IAH1: variants seen among roughly 807,000 people sequenced by gnomAD.
IAH1 encodes isoamyl acetate-hydrolyzing esterase 1 homolog.
A neutral mutation model predicts 26.7 loss-of-function variants in IAH1; 24 were observed. The observed-to-expected ratio is 0.90, with a 90% CI of 0.65 to 1.26. The LOEUF (loss-of-function observed/expected upper bound fraction) is 1.26, where lower values mean the gene tolerates loss of function less well. Among genes scored for constraint, IAH1 ranks in the 50% most tolerant of loss-of-function variants. IAH1 has a pLI of 0.00. For missense variants in IAH1, 300 were observed against 299.9 expected (o/e 1.00, Z 0.00); for synonymous variants, 140 against 118.5 (o/e 1.18, Z -1.18).
chr2:9,493,757 G>A (rs2124963286), downstream of IAH1: 1 of 1,613,622 alleles, frequency 6.2e-7, no homozygotes, highest in Non-Finnish European at 8.5e-7. Context: ...CAAAAGTATT[G>A]ATGCTCAGCT....
At chr2:9,494,585 A>G (rs1662417963), downstream of IAH1, 18 of 1,600,266 alleles carry the variant, frequency 1.1e-5, no homozygotes. Context: ...TACTTACAAA[A>G]TAAAAACTTC....
the IAH1 span, chr2:9,505,190 G>A: frequency 1.7e-5 from 28 of 1,614,032 alleles, no homozygotes; most frequent in East Asian, 1.3e-4. Context: ...TTCCTTCAAC[G>A]TGCAGTCGCT....
the IAH1 span, among the ~76,000 whole-genome samples, chr2:9,507,887 A>G: frequency 3.3e-5 from 5 of 151,862 alleles, no homozygotes; most frequent in Non-Finnish European, 4.4e-5. Flanking sequence ...TAATTTTTGT[A>G]TTTTCTGTAG....
chr2:9,476,343 C>T (rs1380284409), intron 2 of IAH1, among the ~76,000 whole-genome samples: 2 of 152,266 alleles, frequency 1.3e-5, no homozygotes, highest in African/African-American at 4.8e-5. Context: ...GCAGAACTTG[C>T]AGTTTCACTG....
chr2:9,510,335 A>C, the IAH1 span, among the ~76,000 whole-genome samples: 1 of 152,170 alleles, frequency 6.6e-6, no homozygotes, highest in East Asian at 1.9e-4. Context: ...CCTGGGTAAC[A>C]CAGGGAGACC....
intron 2 of IAH1, 83 bp from the exon 3 acceptor site, chr2:9,478,139 A>G (rs1423654421): frequency 2.4e-6 from 3 of 1,273,472 alleles, no homozygotes; most frequent in African/African-American, 1.5e-5. Flanking sequence ...AATCCCAGAG[A>G]GCACACCCTC....
intron 6 of IAH1, among the ~76,000 whole-genome samples, chr2:9,495,497 G>A (rs1349782585): frequency 1.3e-5 from 2 of 152,204 alleles, no homozygotes; most frequent in African/African-American, 4.8e-5. Flanking sequence ...CAGATCACTT[G>A]AGGCCAGGAG....
At chr2:9,480,954 A>G (rs1257609574) in intron 3 of IAH1, 4 of 201,094 alleles carry the variant, frequency 2.0e-5, no homozygotes. Flanking sequence ...GGAGTGACAA[A>G]GCCAGGATTT....
downstream of IAH1, among the ~76,000 whole-genome samples, chr2:9,499,278 C>A (rs964657903): frequency 6.6e-6 from 1 of 151,896 alleles, no homozygotes; most frequent in African/African-American, 2.4e-5. Context: ...GTTTTACTTA[C>A]GTTTATTTAA....
chr2:9,503,770 G>A, the IAH1 span, among the ~76,000 whole-genome samples: 7 of 151,430 alleles, frequency 4.6e-5, no homozygotes, highest in South Asian at 6.3e-4. Flanking sequence ...CCCAGGAGGC[G>A]GAGGTTGCAG....
At chr2:9,509,708 T>C in the IAH1 span, among the ~76,000 whole-genome samples, 1 of 151,910 alleles carries the variant, frequency 6.6e-6, no homozygotes, top group South Asian at 2.1e-4. Flanking sequence ...AATCCAGAAC[T>C]CCAAAAAAAG....
chr2:9,482,215 G>A lies in IAH1; in HGVS notation c.445+768G>A, dbSNP rs141782560. On this transcript the variant is annotated intron_variant, in intron 4 of 5. Coordinates refer to ENST00000497473, the MANE Select transcript of IAH1 (RefSeq NM_001039613.3). ...GGCTAATTTTTGCATTTTTAGTAGAGACGGGTTTCACCATGTTGGCCAGGC... is the reference window on the plus strand; with the variant it reads ...GGCTAATTTTTGCATTTTTAGTAGAAACGGGTTTCACCATGTTGGCCAGGC... 2.3e-3 allele frequency among the ~76,000 whole-genome samples: 351 copies of A among 152,042 alleles called. 1 individual carries two copies. The highest frequency in any genetic ancestry group is 8.1e-3 in the African/African-American group (338 of 41,478).
rs1195094332 is a variant in IAH1 at position 9,478,368 on chromosome 2, A to T, written c.281A>T (p.Lys94Ile). The T allele has an allele frequency of 1.3e-6, 2 of 1,594,498 alleles. No individual in the cohort carries two copies. Among genetic ancestry groups the T allele is most frequent in the Non-Finnish European group, 1.7e-6 (2 of 1,170,628 alleles). ...TTTGGGGCCAATGACAGTGCACTAA[A>T]AGGTAAAAGCATTTTTGATGTTCTT... ...IFFGANDSALKDENPKQHIPL... is the reference protein window; with the variant it reads ...IFFGANDSALIDENPKQHIPL... The change falls in exon 3 of 6, where the codon AAA (lysine) becomes ATA (isoleucine). Residue 94 changes from lysine (K) to isoleucine (I), a missense_variant and splice_region_variant. Lys to Ile is a moderately radical substitution (Grantham distance 102). Coordinates refer to ENST00000497473, the MANE Select transcript of IAH1 (RefSeq NM_001039613.3).
chr2:9,475,795 T>C (rs1006587082), intron 1 of IAH1, 192 bp from the exon 2 acceptor site: 3 of 611,978 alleles, frequency 4.9e-6, no homozygotes, highest in Admixed American at 2.9e-5. Context: ...TAGCTTTTGA[T>C]AGAGAAAAAT....
the IAH1 span, chr2:9,505,040 T>C: frequency 2.7e-5 from 28 of 1,047,032 alleles, no homozygotes; most frequent in Middle Eastern, 2.6e-4. Context: ...GCAAAAGAGG[T>C]AGATGTAAAC....
intron 5 of IAH1, 61 bp from the exon 6 acceptor site, chr2:9,488,086 C>A: frequency 8.8e-7 from 1 of 1,133,330 alleles, no homozygotes; most frequent in South Asian, 1.7e-5. Flanking sequence ...GTTGGAATGA[C>A]AGGGGTGAGC....
At chr2:9,507,385 C>T in the IAH1 span, among the ~76,000 whole-genome samples, 1 of 152,060 alleles carries the variant, frequency 6.6e-6, no homozygotes, top group African/African-American at 2.4e-5. Context: ...ACCTGTAACC[C>T]CAGCTACTCA....
intron 1 of IAH1, 115 bp from the exon 2 acceptor site, chr2:9,475,872 G>A (rs1682460294): frequency 1.2e-6 from 1 of 823,792 alleles, no homozygotes; most frequent in Non-Finnish European, 2.0e-6. Flanking sequence ...CTGGAGTGAA[G>A]CAATCAAAGC....
At chr2:9,475,350 G>T (rs575042124) in intron 1 of IAH1, 37 of 465,346 alleles carry the variant, frequency 8.0e-5, no homozygotes, top group African/African-American at 7.4e-4. Flanking sequence ...GGGGCAGTCA[G>T]AGCTGCCGAA....
Sources: gnomAD v4.1 joint callset for allele counts (sites outside exome capture counted in the v4.1 genomes callset) on GRCh38, gnomAD v4.1.1 for gene constraint, MANE v1.5 for transcripts, NCBI Gene and HGNC (gene_info 2026-07-23, HGNC 2026-07-21) for gene names.